Variants in GBE1 observed in about 807,000 individuals in gnomAD.
The protein encoded by GBE1 is 1,4-alpha-glucan branching enzyme 1.
GBE1 carries 70 observed loss-of-function variants against 88.8 expected under a neutral mutation model. That is an observed-to-expected ratio of 0.79 (90% CI 0.65 to 0.96). GBE1 has a LOEUF of 0.96. Ranked by LOEUF, GBE1 falls within the 40% of genes least tolerant of loss-of-function variation. The pLI is 0.00. For missense variants in GBE1, 872 were observed against 871.0 expected (o/e 1.00, Z -0.01); for synonymous variants, 284 against 300.1 (o/e 0.95, Z 0.56).
At chr3:81,670,415 T>C (rs1705172978) in intron 3 of GBE1, among the ~76,000 whole-genome samples, 1 of 152,124 alleles carries the variant, frequency 6.6e-6, no homozygotes, top group African/African-American at 2.4e-5. Flanking sequence ...GTCTCCAAAA[T>C]GCATGCGCGT....
intron 7 of GBE1, among the ~76,000 whole-genome samples, chr3:81,597,225 G>T (rs749879804): frequency 2.0e-5 from 3 of 151,672 alleles, no homozygotes; most frequent in Non-Finnish European, 4.4e-5. Context: ...ATATCCAGTT[G>T]ATTAGAATCT....
intron 14 of GBE1, among the ~76,000 whole-genome samples, chr3:81,532,577 C>A (rs1182088297): frequency 6.6e-6 from 1 of 152,062 alleles, no homozygotes; most frequent in Non-Finnish European, 1.5e-5. Flanking sequence ...CAATCTCTTT[C>A]CTCATGAAAG....
chr3:81,680,703 GTA>G (rs1277461692), intron 2 of GBE1, among the ~76,000 whole-genome samples: 1 of 152,120 alleles, frequency 6.6e-6, no homozygotes, highest in African/African-American at 2.4e-5. Context: ...CCCAAATGTG[GTA>G]ATATTTGGAG....
chr3:81,738,326 A>C (rs1221979594), intron 1 of GBE1, among the ~76,000 whole-genome samples: 1 of 151,050 alleles, frequency 6.6e-6, no homozygotes, highest in East Asian at 1.9e-4. Context: ...AGGAATCGCC[A>C]CACTGACTTC....
At chr3:81,693,133 G>A (rs757113270) in intron 2 of GBE1, among the ~76,000 whole-genome samples, 48 of 152,078 alleles carry the variant, frequency 3.2e-4, no homozygotes, top group Non-Finnish European at 5.7e-4. Context: ...GACAAAAAAG[G>A]TCTCATGTAT....
intron 12 of GBE1, among the ~76,000 whole-genome samples, chr3:81,553,866 G>A (rs752120692): frequency 2.0e-5 from 3 of 152,034 alleles, no homozygotes; most frequent in Non-Finnish European, 2.9e-5. Context: ...AATAGGAGAT[G>A]CAATTTCAAA....
At chr3:81,689,035 C>G (rs913907783) in intron 2 of GBE1, among the ~76,000 whole-genome samples, 1 of 152,066 alleles carries the variant, frequency 6.6e-6, no homozygotes, top group Admixed American at 6.5e-5. Flanking sequence ...CTAAAATAAA[C>G]CTCTATATGT....
chr3:81,507,016 T>A (rs1219336185), intron 14 of GBE1, among the ~76,000 whole-genome samples: 1 of 152,046 alleles, frequency 6.6e-6, no homozygotes, highest in East Asian at 1.9e-4. Flanking sequence ...TGAACCCCCA[T>A]GACACAAGTT....
At chr3:81,702,977 A>G (rs1705722340) in intron 2 of GBE1, among the ~76,000 whole-genome samples, 1 of 151,990 alleles carries the variant, frequency 6.6e-6, no homozygotes, top group Non-Finnish European at 1.5e-5. Flanking sequence ...GAAACTATTA[A>G]GTGGATTTCA....
chr3:81,732,747 A>G (rs2107206302), intron 1 of GBE1, among the ~76,000 whole-genome samples: 1 of 152,308 alleles, frequency 6.6e-6, no homozygotes, highest in Non-Finnish European at 1.5e-5. Context: ...TATTTTCAAT[A>G]TAGTCACCCA....
intron 2 of GBE1, among the ~76,000 whole-genome samples, chr3:81,704,802 T>C (rs1281050462): frequency 1.3e-5 from 2 of 152,118 alleles, no homozygotes; most frequent in Non-Finnish European, 2.9e-5. Flanking sequence ...TAGATTGTAT[T>C]ACAGTTATTT....
At chr3:81,651,812 G>A (rs1417251387) in intron 3 of GBE1, among the ~76,000 whole-genome samples, 1 of 152,194 alleles carries the variant, frequency 6.6e-6, no homozygotes, top group Non-Finnish European at 1.5e-5. Context: ...AAAGGTGTCT[G>A]TTGGCAGAGA....
chr3:81,504,395 T>A (rs1409150944), intron 14 of GBE1, among the ~76,000 whole-genome samples: 1 of 152,200 alleles, frequency 6.6e-6, no homozygotes, highest in Non-Finnish European at 1.5e-5. Context: ...GTCCATTTCT[T>A]ATTTGGTCCA....
chr3:81,646,953 T>A (rs969560486), intron 5 of GBE1, among the ~76,000 whole-genome samples: 1 of 149,780 alleles, frequency 6.7e-6, no homozygotes, highest in Non-Finnish European at 1.5e-5. Context: ...TTCCATAAGG[T>A]AGCTTTTTTT....
intron 15 of GBE1, among the ~76,000 whole-genome samples, chr3:81,491,786 G>A (rs1266393843): frequency 3.3e-5 from 5 of 151,944 alleles, no homozygotes; most frequent in Non-Finnish European, 7.4e-5. Flanking sequence ...CATGACTTTA[G>A]GAAAAAACTC....
intron 14 of GBE1, 162 bp downstream of exon 14, chr3:81,535,033 A>G (rs1347521367): frequency 1.5e-6 from 1 of 678,236 alleles, no homozygotes. Flanking sequence ...TGAGTCGAGC[A>G]AAGATTTATC....
chr3:81,745,795 A>C (rs1295595386), intron 1 of GBE1, among the ~76,000 whole-genome samples: 4 of 152,108 alleles, frequency 2.6e-5, no homozygotes. Context: ...AAGGCAGATA[A>C]ATTTTTAGCT....
intron 14 of GBE1, among the ~76,000 whole-genome samples, chr3:81,517,704 T>C (rs1702816415): frequency 6.6e-6 from 1 of 151,528 alleles, no homozygotes; most frequent in Admixed American, 6.6e-5. Flanking sequence ...ATGATGTATT[T>C]TATTGATAAT....
At chr3:81,640,056 A>G (rs1451310969) in intron 7 of GBE1, among the ~76,000 whole-genome samples, 1 of 152,218 alleles carries the variant, frequency 6.6e-6, no homozygotes, top group East Asian at 1.9e-4. Context: ...CATGATTGCT[A>G]AGAAGTATTT....
Sources: gnomAD v4.1 joint callset for allele counts (sites outside exome capture counted in the v4.1 genomes callset) on GRCh38, gnomAD v4.1.1 for gene constraint, MANE v1.5 for transcripts, NCBI Gene and HGNC (gene_info 2026-07-23, HGNC 2026-07-21) for gene names.